PHKB: variants seen among roughly 807,000 people sequenced by gnomAD.
PHKB encodes phosphorylase kinase regulatory subunit beta, also known as phosphorylase b kinase regulatory subunit beta.
PHKB carries 122 observed loss-of-function variants against 152.1 expected under a neutral mutation model. The observed-to-expected ratio is 0.80, with a 90% CI of 0.69 to 0.93. The LOEUF is 0.93. Ranked by LOEUF, PHKB falls within the 40% of genes least tolerant of loss-of-function variation. The pLI, the probability that PHKB is intolerant of heterozygous loss-of-function variation, is 0.00. For missense variants in PHKB, 1,304 were observed against 1,328.4 expected, an observed-to-expected ratio of 0.98 and a Z score of 0.29; for synonymous variants, 436 against 464.9, an observed-to-expected ratio of 0.94 and a Z score of 0.80.
At chr16:47,683,304 A>G (rs1389265966) in intron 26 of PHKB, among the ~76,000 whole-genome samples, 2 of 152,232 alleles carry the variant, frequency 1.3e-5, no homozygotes, top group Non-Finnish European at 2.9e-5. Flanking sequence ...CAGACGGGAC[A>G]TTTAAGTCTG....
chr16:47,656,491 G>T (rs1192626892), intron 20 of PHKB, among the ~76,000 whole-genome samples: 2 of 152,150 alleles, frequency 1.3e-5, no homozygotes, highest in Non-Finnish European at 2.9e-5. Context: ...AAGATCTTCT[G>T]AATTTAAATA....
At chr16:47,675,519 A>ACACTCTCTCTCT (rs1491544334) in intron 26 of PHKB, 2 of 87,968 alleles carry the variant, frequency 2.3e-5, no homozygotes, top group African/African-American at 6.2e-5. Flanking sequence ...ACACACACAC[A>ACACTCTCTCTCT]CTCTCTCTCT....
At chr16:47,482,569 G>A (rs1219739668) in intron 1 of PHKB, among the ~76,000 whole-genome samples, 1 of 152,156 alleles carries the variant, frequency 6.6e-6, no homozygotes, top group Non-Finnish European at 1.5e-5. Context: ...CTTCATCAAA[G>A]TGTAAATGAG....
At chr16:47,506,015 G>A (rs1435046289) in intron 4 of PHKB, among the ~76,000 whole-genome samples, 2 of 146,728 alleles carry the variant, frequency 1.4e-5, no homozygotes, top group African/African-American at 2.5e-5. Context: ...GGCAACAGAG[G>A]GGAAACTGTC....
chr16:47,641,094 T>C lies in PHKB; in HGVS notation c.1514+4T>C, dbSNP rs771730552. The C allele has an allele frequency of 3.1e-6, 5 of 1,613,380 alleles. No homozygotes were observed. Among genetic ancestry groups the C allele is most frequent in the South Asian group, 1.1e-5 (1 of 91,046 alleles). On this transcript the variant is annotated splice_donor_region_variant and intron_variant, in intron 15 of 30. Coordinates refer to ENST00000323584, the MANE Select transcript of PHKB (RefSeq NM_000293.3). Reference sequence around the variant, plus strand: ...CACTTATAGCAGAAAGCCAAAGGTATGAAATCCAAGTGGGTGGTGTGTTTT... The same window carrying C: ...CACTTATAGCAGAAAGCCAAAGGTACGAAATCCAAGTGGGTGGTGTGTTTT...
chr16:47,553,973 C>T (rs143593983), intron 7 of PHKB, among the ~76,000 whole-genome samples: 6 of 152,264 alleles, frequency 3.9e-5, no homozygotes, highest in Admixed American at 6.5e-5. Flanking sequence ...AGATATCTGT[C>T]GGCCCCTGCT....
chr16:47,472,362 A>G (rs901043371), intron 1 of PHKB, among the ~76,000 whole-genome samples: 3 of 152,210 alleles, frequency 2.0e-5, no homozygotes, highest in Non-Finnish European at 4.4e-5. Context: ...CCCTGATTAG[A>G]AAACAACTGC....
chr16:47,648,649 T>G (rs1973178566), intron 17 of PHKB, 33 bp downstream of exon 17: 1 of 1,375,080 alleles, frequency 7.3e-7, no homozygotes, highest in Admixed American at 1.7e-5. Context: ...AAGTAGTTTT[T>G]GGATTCTAAT....
At chr16:47,643,707 C>T (rs1973065868) in intron 16 of PHKB, among the ~76,000 whole-genome samples, 1 of 152,188 alleles carries the variant, frequency 6.6e-6, no homozygotes, top group Non-Finnish European at 1.5e-5. Flanking sequence ...CAAATCTTAG[C>T]TGATGCACAT....
intron 1 of PHKB, chr16:47,463,417 T>A (rs1235484321): frequency 6.3e-6 from 1 of 157,634 alleles, no homozygotes; most frequent in Non-Finnish European, 1.4e-5. Flanking sequence ...AAATTTGAGG[T>A]TTCAGATTCT....
intron 14 of PHKB, among the ~76,000 whole-genome samples, chr16:47,614,237 G>A (rs1972477668): frequency 6.6e-6 from 1 of 152,082 alleles, no homozygotes; most frequent in South Asian, 2.1e-4. Flanking sequence ...AAAAGGGGAT[G>A]GTGCTAAACC....
At chr16:47,496,038 T>G (rs1324844543) in intron 1 of PHKB, among the ~76,000 whole-genome samples, 1 of 152,142 alleles carries the variant, frequency 6.6e-6, no homozygotes, top group African/African-American at 2.4e-5. Flanking sequence ...TCCCAAAACC[T>G]TGGCTTTAAA....
chr16:47,565,338 C>T, intron 7 of PHKB: 1 of 835,906 alleles, frequency 1.2e-6, no homozygotes, highest in South Asian at 1.3e-5. Flanking sequence ...ACTTTATTTT[C>T]ATCTTTTCTT....
chr16:47,473,899 G>A (rs376192501), intron 1 of PHKB, among the ~76,000 whole-genome samples: 1 of 152,034 alleles, frequency 6.6e-6, no homozygotes. Flanking sequence ...TACTCTTCTA[G>A]CAATTTTGAA....
At chr16:47,606,421 A>G (rs1351942646) in intron 13 of PHKB, among the ~76,000 whole-genome samples, 1 of 152,250 alleles carries the variant, frequency 6.6e-6, no homozygotes, top group Non-Finnish European at 1.5e-5. Context: ...CATTTATACA[A>G]AACTCAGCAT....
chr16:47,629,165 T>G (rs1972772101), intron 14 of PHKB, among the ~76,000 whole-genome samples: 1 of 151,906 alleles, frequency 6.6e-6, no homozygotes, highest in Non-Finnish European at 1.5e-5. Flanking sequence ...AAGCCAAAAT[T>G]GACAAATGGG....
intron 20 of PHKB, among the ~76,000 whole-genome samples, chr16:47,652,990 CT>C (rs35096208): frequency 0.017 from 2,436 of 141,628 alleles, 51 homozygotes; most frequent in African/African-American, 0.049. Context: ...TGATATTGAG[CT>C]TTTTTTTTTT....
chr16:47,624,620 G>T (rs958031693), intron 14 of PHKB, among the ~76,000 whole-genome samples: 4 of 152,130 alleles, frequency 2.6e-5, no homozygotes, highest in Non-Finnish European at 5.9e-5. Context: ...ACCTTTGGCT[G>T]TTCCAATTGA....
chr16:47,553,339 G>C (rs2111226), intron 7 of PHKB, among the ~76,000 whole-genome samples: 231 of 151,684 alleles, frequency 1.5e-3, no homozygotes, highest in African/African-American at 5.1e-3. Flanking sequence ...TCTTGATAAC[G>C]TGTGTATGTG....
Sources: gnomAD v4.1 joint callset for allele counts (sites outside exome capture counted in the v4.1 genomes callset) on GRCh38, gnomAD v4.1.1 for gene constraint, MANE v1.5 for transcripts, NCBI Gene and HGNC (gene_info 2026-07-23, HGNC 2026-07-21) for gene names.